KTN1: variants seen among roughly 807,000 people sequenced by gnomAD.
KTN1 encodes kinectin 1.
Under a neutral mutation model 222.5 loss-of-function variants are expected in KTN1, and 130 were observed. The ratio of observed to expected loss-of-function variants is 0.58; its 90% CI spans 0.51 to 0.68. KTN1 has a LOEUF of 0.68. Among genes scored for constraint, KTN1 ranks in the 30% least tolerant of loss-of-function variants. The pLI is 0.00. For missense variants in KTN1, 1,508 were observed against 1,500.4 expected (o/e 1.01, Z -0.08); for synonymous variants, 512 against 496.3 (o/e 1.03, Z -0.42).
intron 17 of KTN1, 98 bp downstream of exon 17, chr14:55,641,306 T>C: frequency 1.4e-6 from 1 of 691,750 alleles, no homozygotes; most frequent in Non-Finnish European, 2.4e-6. Flanking sequence ...ATGAAGTCAC[T>C]CTGAAACAGT....
At position 55,663,950 on chromosome 14, in the gene KTN1, A is replaced by G. The variant is rs2044421670; in HGVS notation, c.3091-5A>G. ...ACTGAAATCATTCTTTCTAAAAATGATTAGGACCTTCGGGAGAAAAACTGG... is the reference window on the plus strand; with the variant it reads ...ACTGAAATCATTCTTTCTAAAAATGGTTAGGACCTTCGGGAGAAAAACTGG... On this transcript the variant is annotated splice_region_variant and splice_polypyrimidine_tract_variant and intron_variant, in intron 32 of 43. Transcript: ENST00000395314. 2 of 1,604,548 alleles carry G rather than the reference A, an allele frequency of 1.2e-6. No individual in the cohort carries two copies. Among genetic ancestry groups the G allele is most frequent in the African/African-American group, 1.3e-5 (1 of 74,736 alleles).
chr14:55,669,386 A>G (rs2045226575), intron 34 of KTN1, among the ~76,000 whole-genome samples: 1 of 152,112 alleles, frequency 6.6e-6, no homozygotes. Flanking sequence ...CAAGAAATGT[A>G]CTAAACTTTC....
intron 34 of KTN1, among the ~76,000 whole-genome samples, chr14:55,670,517 A>T (rs2045345498): frequency 6.6e-6 from 1 of 152,056 alleles, no homozygotes; most frequent in Non-Finnish European, 1.5e-5. Flanking sequence ...TGGTAGGTAC[A>T]TAGGTCTGTT....
At chr14:55,590,515 A>G (rs2033913292) in intron 1 of KTN1, among the ~76,000 whole-genome samples, 1 of 151,802 alleles carries the variant, frequency 6.6e-6, no homozygotes, top group South Asian at 2.1e-4. Context: ...CCCTTCCCAC[A>G]CTCTAACCAC....
At chr14:55,679,967 A>G (rs1366247052) in intron 43 of KTN1, 1 of 364,446 alleles carries the variant, frequency 2.7e-6, no homozygotes, top group African/African-American at 2.2e-5. Flanking sequence ...TTGCCTTAAT[A>G]CCTGCAACGG....
rs2041636313 is a variant in KTN1 at position 55,640,296 on chromosome 14, CTT to C, written c.1915-75_1915-74del. On this transcript the variant is annotated intron_variant, in intron 14 of 43. Transcript: ENST00000395314. ...TGTAAGTTGAGACATTTGCTTAACT[CTT>C]TTGTAGAAAAGATGCTTTACAAACT... 2.7e-5 allele frequency: 28 copies of C among 1,023,854 alleles called. 1 individual carries two copies. The highest frequency in any genetic ancestry group is 1.6e-4 in the South Asian group (11 of 67,412). The allele number at this position is 1,023,854 out of a possible 1,614,324, so 63.4% of individuals were successfully genotyped here.
chr14:55,652,652 G>A (rs957329427), intron 25 of KTN1, among the ~76,000 whole-genome samples, 198 bp from the exon 26 acceptor site: 5 of 152,148 alleles, frequency 3.3e-5, no homozygotes, highest in African/African-American at 9.7e-5. Flanking sequence ...GCCCGCCTTG[G>A]CCTCCCAAAG....
chr14:55,673,582 C>G (rs546698808), intron 40 of KTN1: 39 of 177,686 alleles, frequency 2.2e-4, no homozygotes, highest in African/African-American at 8.3e-4. Flanking sequence ...GGCTGAGTTA[C>G]GAAGATTTTC....
intron 1 of KTN1, among the ~76,000 whole-genome samples, chr14:55,583,839 T>A (rs987141430): frequency 3.3e-5 from 5 of 152,214 alleles, no homozygotes; most frequent in Non-Finnish European, 5.9e-5. Context: ...ATGTTTGATG[T>A]TTGATGTTTC....
Position 55,656,106 on chromosome 14 carries a change from C to A in KTN1, c.2866C>A (p.Leu956Ile), listed in dbSNP as rs1255952139. Residue 956 changes from leucine to isoleucine, a missense_variant, in exon 29 of 44, where the codon CTT becomes ATT. Physicochemically the swap from Leu to Ile is conservative, Grantham distance 5. Transcript: ENST00000395314. The stretch of plus-strand genomic sequence containing the variant: ...CATGCTAAAAGAGAGGGAGAGTGAT[C>A]TTTCTAGCAAAACACAGCTGTTACA... ...EAMLKERESD[L>I]SSKTQLLQDV... The A allele has an allele frequency of 2.5e-6, 4 of 1,607,982 alleles. No homozygotes were observed. Among genetic ancestry groups the A allele is most frequent in the Non-Finnish European group, 3.4e-6 (4 of 1,175,174 alleles).
chr14:55,614,094 T>A (rs1464199998), intron 2 of KTN1, among the ~76,000 whole-genome samples: 1 of 152,110 alleles, frequency 6.6e-6, no homozygotes, highest in Non-Finnish European at 1.5e-5. Context: ...ACGTGAGGTA[T>A]AGAGAGTGGT....
chr14:55,669,308 A>C (rs1053536241), intron 34 of KTN1, among the ~76,000 whole-genome samples: 2 of 152,058 alleles, frequency 1.3e-5, no homozygotes, highest in Admixed American at 1.3e-4. Context: ...CATCATAATA[A>C]ATGGATGATA....
At chr14:55,611,900 G>C in intron 1 of KTN1, 119 bp from the exon 2 acceptor site, 1 of 431,832 alleles carries the variant, frequency 2.3e-6, no homozygotes, top group Non-Finnish European at 4.1e-6. Flanking sequence ...AACCTGTTTA[G>C]ATTTGTAGGT....
chr14:55,592,774 A>G (rs553073706), intron 1 of KTN1, among the ~76,000 whole-genome samples: 3 of 152,294 alleles, frequency 2.0e-5, no homozygotes, highest in African/African-American at 7.2e-5. Flanking sequence ...TGTGAAGTAG[A>G]TCTTTGTGCT....
At chr14:55,663,820 A>G (rs1432699709) in intron 32 of KTN1, 135 bp from the exon 33 acceptor site, 2 of 586,624 alleles carry the variant, frequency 3.4e-6, no homozygotes, top group South Asian at 4.8e-5. Context: ...TTTTTTTGCT[A>G]ATATGCATAT....
chr14:55,652,815 A>G (rs1246490606), intron 25 of KTN1, 35 bp from the exon 26 acceptor site: 1 of 1,461,824 alleles, frequency 6.8e-7, no homozygotes, highest in African/African-American at 1.4e-5. Flanking sequence ...GTCATGTAAC[A>G]TTTTCATTTA....
chr14:55,618,415 T>C (rs749810960), intron 4 of KTN1, among the ~76,000 whole-genome samples: 1 of 151,988 alleles, frequency 6.6e-6, no homozygotes, highest in Non-Finnish European at 1.5e-5. Flanking sequence ...TTCATAACTG[T>C]TGTTTTTTTT....
chr14:55,650,227 A>G (rs892236257), intron 22 of KTN1, 101 bp from the exon 23 acceptor site: 1 of 746,800 alleles, frequency 1.3e-6, no homozygotes, highest in Non-Finnish European at 2.2e-6. Flanking sequence ...AAAATGGGAA[A>G]GGGTTGATTT....
intron 34 of KTN1, among the ~76,000 whole-genome samples, chr14:55,669,952 TAA>T (rs2045300765): frequency 6.6e-6 from 1 of 151,914 alleles, no homozygotes; most frequent in Admixed American, 6.6e-5. Context: ...AAAGAAGGAA[TAA>T]GAGGAAATTT....
Sources: allele counts gnomAD v4.1 joint callset (sites outside exome capture counted in the v4.1 genomes callset), GRCh38; gene constraint gnomAD v4.1.1; transcripts MANE v1.5; gene names NCBI Gene and HGNC (gene_info 2026-07-23, HGNC 2026-07-21).